The following ERC2 variants were observed in gnomAD, a reference collection of about 807,000 sequenced individuals.
ERC2 encodes the protein ERC protein 2.
A neutral mutation model predicts 114.8 loss-of-function variants in ERC2; 42 were observed. The observed-to-expected ratio is 0.37, with a 90% confidence interval of 0.29 to 0.47. The LOEUF is 0.47. Among genes scored for constraint, ERC2 ranks in the 20% least tolerant of loss-of-function variants. ERC2 has a pLI of 0.99. For synonymous variants in ERC2, 454 were observed against 425.5 expected, an observed-to-expected ratio of 1.07 and a Z score of -0.82; for missense variants, 939 against 1,150.7, an observed-to-expected ratio of 0.82 and a Z score of 2.66.
At chr3:55,902,679 G>A (rs560626406) in intron 13 of ERC2, among the ~76,000 whole-genome samples, 73 of 152,262 alleles carry the variant, frequency 4.8e-4, no homozygotes, top group Admixed American at 1.3e-3. Flanking sequence ...AGTCATCAGC[G>A]TGCTGCTCAG....
intron 3 of ERC2, among the ~76,000 whole-genome samples, chr3:56,277,702 T>C (rs1238057855): frequency 6.6e-6 from 1 of 150,782 alleles, no homozygotes; most frequent in Admixed American, 6.6e-5. Flanking sequence ...TATATTTTCA[T>C]ACTTCCTAGA....
intron 12 of ERC2, among the ~76,000 whole-genome samples, chr3:55,965,952 A>AAACC (rs2068724014): frequency 6.6e-6 from 1 of 152,182 alleles, no homozygotes; most frequent in Admixed American, 6.5e-5. Context: ...AAGACAGAAC[A>AAACC]AACCACTTCC....
chr3:55,738,176 A>T (rs2065757317), intron 14 of ERC2, among the ~76,000 whole-genome samples: 1 of 152,132 alleles, frequency 6.6e-6, no homozygotes, highest in Non-Finnish European at 1.5e-5. Context: ...ACTTGTTAGG[A>T]TGCCAGTAGG....
intron 6 of ERC2, among the ~76,000 whole-genome samples, chr3:56,083,503 C>A (rs1434744679): frequency 6.6e-6 from 1 of 152,038 alleles, no homozygotes; most frequent in African/African-American, 2.4e-5. Context: ...TGTCAAAACT[C>A]ATTGAACTGT....
At chr3:56,455,671 C>A (rs1055286562) in intron 1 of ERC2, among the ~76,000 whole-genome samples, 1 of 152,190 alleles carries the variant, frequency 6.6e-6, no homozygotes, top group African/African-American at 2.4e-5. Flanking sequence ...GTGCCTGACT[C>A]ATAGTAGATA....
At chr3:56,238,384 A>G (rs549683052) in intron 3 of ERC2, among the ~76,000 whole-genome samples, 2 of 152,324 alleles carry the variant, frequency 1.3e-5, no homozygotes, top group East Asian at 1.9e-4. Context: ...GAACCCCTGG[A>G]AGGCCTGAGT....
chr3:55,674,534 T>C (rs1333920730), intron 17 of ERC2, among the ~76,000 whole-genome samples: 3 of 152,196 alleles, frequency 2.0e-5, no homozygotes, highest in Non-Finnish European at 4.4e-5. Flanking sequence ...AATTGGTGGC[T>C]GTAGGAAGCT....
intron 2 of ERC2, among the ~76,000 whole-genome samples, chr3:56,377,900 A>G (rs2059605925): frequency 1.3e-5 from 2 of 152,152 alleles, no homozygotes; most frequent in African/African-American, 4.8e-5. Flanking sequence ...GTATCGGAGC[A>G]TCCAACCTAG....
intron 3 of ERC2, among the ~76,000 whole-genome samples, chr3:56,285,005 TCTCTCTCACA>T (rs1466331204): frequency 5.4e-5 from 6 of 110,562 alleles, no homozygotes; most frequent in Admixed American, 1.1e-4. Flanking sequence ...TCTCTCTCTC[TCTCTCTCACA>T]CACACACACA....
chr3:55,852,163 T>C (rs943643028), intron 14 of ERC2, among the ~76,000 whole-genome samples: 1 of 152,130 alleles, frequency 6.6e-6, no homozygotes, highest in Non-Finnish European at 1.5e-5. Context: ...GAGGTGGCAG[T>C]GAACTGAGAT....
intron 2 of ERC2, among the ~76,000 whole-genome samples, chr3:56,364,278 C>T (rs1321335063): frequency 6.6e-6 from 1 of 152,124 alleles, no homozygotes; most frequent in Non-Finnish European, 1.5e-5. Flanking sequence ...TAGAGAGCTC[C>T]CGTATGCGGT....
intron 14 of ERC2, among the ~76,000 whole-genome samples, chr3:55,755,746 C>G (rs2067012193): frequency 6.6e-6 from 1 of 152,116 alleles, no homozygotes; most frequent in African/African-American, 2.4e-5. Context: ...CTAGTGACCT[C>G]TAAAAATGTT....
At chr3:55,859,284 T>C (rs1559774872) in intron 14 of ERC2, among the ~76,000 whole-genome samples, 1 of 152,142 alleles carries the variant, frequency 6.6e-6, no homozygotes, top group Non-Finnish European at 1.5e-5. Context: ...CTTATTTTTT[T>C]CCCCTTTCTT....
At chr3:56,446,824 A>G (rs557708200) in intron 1 of ERC2, among the ~76,000 whole-genome samples, 33 of 150,878 alleles carry the variant, frequency 2.2e-4, no homozygotes, top group African/African-American at 7.8e-4. Flanking sequence ...ACAGAGTTTC[A>G]CCATGTTAGC....
chr3:55,709,726 AC>A (rs1559531318), intron 15 of ERC2, among the ~76,000 whole-genome samples: 1 of 151,860 alleles, frequency 6.6e-6, no homozygotes, highest in South Asian at 2.1e-4. Context: ...AAAACAAATG[AC>A]CCCCCAAAGG....
intron 2 of ERC2, among the ~76,000 whole-genome samples, chr3:56,307,932 G>C (rs566954264): frequency 6.6e-6 from 1 of 151,846 alleles, no homozygotes; most frequent in South Asian, 2.1e-4. Flanking sequence ...AGGACCAGAG[G>C]GAAACTGTCT....
intron 6 of ERC2, among the ~76,000 whole-genome samples, chr3:56,104,545 A>C (rs1253431558): frequency 2.0e-5 from 3 of 152,178 alleles, no homozygotes; most frequent in African/African-American, 7.2e-5. Flanking sequence ...TGGGGCATTC[A>C]ACAGAATGGA....
chr3:56,244,058 A>G (rs2051507254), intron 3 of ERC2, among the ~76,000 whole-genome samples: 1 of 152,178 alleles, frequency 6.6e-6, no homozygotes, highest in Non-Finnish European at 1.5e-5. Flanking sequence ...CATATTATAT[A>G]TTAAATATAG....
intron 17 of ERC2, among the ~76,000 whole-genome samples, chr3:55,547,378 T>C (rs934257716): frequency 2.0e-5 from 3 of 152,252 alleles, no homozygotes; most frequent in African/African-American, 4.8e-5. Context: ...CCTTGTTTTT[T>C]GTTCTGTTGC....
Sources: gnomAD v4.1 joint callset for allele counts (sites outside exome capture counted in the v4.1 genomes callset) on GRCh38, gnomAD v4.1.1 for gene constraint, MANE v1.5 for transcripts, NCBI Gene and HGNC (gene_info 2026-07-23, HGNC 2026-07-21) for gene names.